The following BICDL1 variants were observed in gnomAD, a reference collection of about 807,000 sequenced individuals.
The protein encoded by BICDL1 is BICD family like cargo adaptor 1.
Under a neutral mutation model 76.8 loss-of-function variants are expected in BICDL1, and 20 were observed. That is an observed-to-expected ratio of 0.26 (90% CI 0.18 to 0.38). The LOEUF is 0.38. Among genes scored for constraint, BICDL1 ranks in the 10% least tolerant of loss-of-function variants. BICDL1 has a pLI of 1.00. For synonymous variants in BICDL1, 383 were observed against 337.1 expected (o/e 1.14, Z -1.49); for missense variants, 700 against 798.6 (o/e 0.88, Z 1.49).
rs1236275262 is a variant in BICDL1, at chr12:119,990,046, C to G, written c.178C>G (p.Leu60Val). ...GCTAGAACTGGCGTTAGAGGAGGAG[C>G]TGGCGCTGCTGGCGGCCGGGGAGCG... ...GELELALEEE[L>V]ALLAAGERPS... The change falls in exon 1 of 10, where the codon CTG (leucine) becomes GTG (valine). Residue 60 changes from leucine to valine, a missense_variant. By Grantham distance (32) the Leu-to-Val change is conservative (BLOSUM62 1). Coordinates refer to ENST00000548673, the MANE Select transcript of BICDL1 (RefSeq NM_001367886.1). 2.0e-6 allele frequency: 3 copies of G among 1,531,626 alleles called. No homozygotes were observed. Among genetic ancestry groups the G allele is most frequent in the East Asian group, 2.5e-5 (1 of 40,662 alleles). 94.9% of individuals were successfully genotyped at this position (1,531,626 alleles called of 1,614,324 possible). A position where few individuals can be genotyped will look rare whatever the true frequency, so the allele number is the denominator to read the frequency against.
intron 2 of BICDL1, among the ~76,000 whole-genome samples, chr12:120,014,753 C>T: frequency 6.6e-6 from 1 of 150,904 alleles, no homozygotes; most frequent in Non-Finnish European, 1.5e-5. Flanking sequence ...AATCTCAACA[C>T]TTGGGAGGCC....
intron 1 of BICDL1, among the ~76,000 whole-genome samples, chr12:119,997,324 T>C (rs892722293): frequency 1.3e-5 from 2 of 152,224 alleles, no homozygotes. Context: ...TATGTACTTT[T>C]CCTGCATACC....
At chr12:120,055,072 G>A (rs994129400) in intron 2 of BICDL1, among the ~76,000 whole-genome samples, 10 of 152,016 alleles carry the variant, frequency 6.6e-5, no homozygotes, top group African/African-American at 1.5e-4. Context: ...AATAAATGTC[G>A]TCATCCTCAT....
intron 8 of BICDL1, among the ~76,000 whole-genome samples, chr12:120,084,725 A>G (rs991415176): frequency 6.6e-6 from 1 of 151,950 alleles, no homozygotes; most frequent in African/African-American, 2.4e-5. Flanking sequence ...GCCCGTCTCT[A>G]CTAAAAATAC....
chr12:120,041,689 C>G (rs1762664354), intron 2 of BICDL1, among the ~76,000 whole-genome samples: 1 of 151,904 alleles, frequency 6.6e-6, no homozygotes. Context: ...GAGAAGAGAC[C>G]CGAGTGGAGT....
chr12:120,086,627 A>T (rs920623748), intron 8 of BICDL1, among the ~76,000 whole-genome samples: 2 of 152,216 alleles, frequency 1.3e-5, no homozygotes, highest in African/African-American at 4.8e-5. Flanking sequence ...TATACAATAA[A>T]TGAGTTTCAG....
In BICDL1 at chr12:120,090,865, C is replaced by T. The variant is rs1049752677; in HGVS notation, c.1704+794C>T. 7.0e-5 allele frequency: 90 copies of T among 1,286,644 alleles called. No individual in the cohort carries two copies. The African/African-American group carries it at 9.0e-4, about 13-fold the overall frequency. 79.7% of individuals were successfully genotyped at this position (1,286,644 alleles called of 1,614,324 possible). A position where few individuals can be genotyped will look rare whatever the true frequency, so the allele number is the denominator to read the frequency against. On this transcript the variant is annotated intron_variant, in intron 9 of 9. Transcript: ENST00000548673. ...GGCTCCTGCATGGCAGCCAGCTGGC[C>T]GCGCCCTGGCTGACCGCTGCTCTCT...
intron 1 of BICDL1, among the ~76,000 whole-genome samples, chr12:119,995,145 G>A (rs1040896494): frequency 6.6e-6 from 1 of 152,108 alleles, no homozygotes; most frequent in African/African-American, 2.4e-5. Flanking sequence ...CCTGAGAAAC[G>A]AAGGAGAGCA....
chr12:120,011,473 T>C (rs1444201047), intron 2 of BICDL1, among the ~76,000 whole-genome samples: 2 of 152,202 alleles, frequency 1.3e-5, no homozygotes, highest in Non-Finnish European at 2.9e-5. Flanking sequence ...AAGGCAGATA[T>C]AGTTGTAACA....
rs78494592 is a variant in BICDL1 at position 120,079,656 on chromosome 12, T to C, written c.1453-1231T>C. ...ATTGAAAGCTCTACCAGGCAGGGTT[T>C]CTGGTTGCAAACAGCAAAACATGTA... On this transcript the variant is annotated intron_variant, in intron 7 of 9. Coordinates refer to ENST00000548673, the MANE Select transcript of BICDL1 (RefSeq NM_001367886.1). This position sits in a 1 kb window ranked among gnomAD's most constrained non-coding sequence, Gnocchi z 4.3. Among the ~76,000 whole-genome samples, 642 of 152,356 alleles carry C rather than the reference T, an allele frequency of 4.2e-3. 3 individuals carry two copies. The highest frequency in any genetic ancestry group is 0.015 in the African/African-American group (610 of 41,570).
In BICDL1 at chr12:120,003,050, G is replaced by A. The variant is rs563068578; in HGVS notation, c.645+4314G>A. On this transcript the variant is annotated intron_variant, in intron 2 of 9. Transcript: ENST00000548673. ...CGTGAGCCTGTAATCTCCAGCTACC[G>A]GGGAGTCTGATGCAGGAGAATCGCT... Among the ~76,000 whole-genome samples, 13 of 152,014 alleles carry A rather than the reference G, an allele frequency of 8.6e-5. No homozygotes were observed. In the South Asian group the frequency reaches 1.7e-3, roughly 19 times the overall value.
Position 120,074,440 on chromosome 12 carries a change from C to A in BICDL1, c.1309-3C>A. 1 of 1,195,940 alleles carries A rather than the reference C, an allele frequency of 8.4e-7. No individual in the cohort carries two copies. Among genetic ancestry groups the A allele is most frequent in the South Asian group, 1.5e-5 (1 of 65,990 alleles). The allele number at this position is 1,195,940 out of a possible 1,614,324, so 74.1% of individuals were successfully genotyped here. On this transcript the variant is annotated splice_region_variant and splice_polypyrimidine_tract_variant and intron_variant, in intron 6 of 9. Coordinates refer to ENST00000548673, the MANE Select transcript of BICDL1 (RefSeq NM_001367886.1). The stretch of plus-strand genomic sequence containing the variant: ...TGTCTGGCTGTCTTTCTTTTACTGT[C>A]AGGGCTCCCGGAGACTTGATGATGA...
At chr12:120,039,521 C>T (rs1162735954) in intron 2 of BICDL1, among the ~76,000 whole-genome samples, 1 of 149,366 alleles carries the variant, frequency 6.7e-6, no homozygotes, top group Non-Finnish European at 1.5e-5. Flanking sequence ...GCCGGTAATC[C>T]CAGCTACTCA....
chr12:120,002,982 C>A (rs1440258816), intron 2 of BICDL1, among the ~76,000 whole-genome samples: 5 of 152,044 alleles, frequency 3.3e-5, no homozygotes, highest in Non-Finnish European at 7.4e-5. Flanking sequence ...CATGGTGAAA[C>A]CCCATCTCTA....
intron 2 of BICDL1, among the ~76,000 whole-genome samples, chr12:120,040,621 G>T (rs1204982523): frequency 6.6e-6 from 1 of 151,978 alleles, no homozygotes; most frequent in African/African-American, 2.4e-5. Flanking sequence ...TTACCATGTT[G>T]CCCAGGTTGG....
At chr12:120,019,328 T>C (rs563469139) in intron 2 of BICDL1, 2 of 152,332 alleles carry the variant, frequency 1.3e-5, no homozygotes, top group African/African-American at 2.4e-5. Flanking sequence ...CATTTATTTA[T>C]ATTTCTTTTT....
chr12:120,003,345 G>A (rs978366645), intron 2 of BICDL1, among the ~76,000 whole-genome samples: 1 of 152,130 alleles, frequency 6.6e-6, no homozygotes, highest in Non-Finnish European at 1.5e-5. Flanking sequence ...GTTGTAAACA[G>A]GTATCTAGCA....
chr12:120,072,858 G>A (rs535390264), intron 6 of BICDL1, 129 bp downstream of exon 6: 1 of 794,824 alleles, frequency 1.3e-6, no homozygotes, highest in South Asian at 1.7e-5. Flanking sequence ...ATTCTTCTGA[G>A]CCCTTATTGG....
In BICDL1 at chr12:119,998,748, ATTAAGAAT is replaced by A. The variant is rs775368911; in HGVS notation, c.645+19_645+26del. 6.2e-6 allele frequency: 10 copies of A among 1,609,896 alleles called. No homozygotes were observed. The African/African-American group carries it at 1.3e-4, about 22-fold the overall frequency. ...ATCAGCTCAGCAGGGTGAGTCACAA[ATTAAGAAT>A]TTAAGATGTAAAATACTAAAAGTTG... On this transcript the variant is annotated intron_variant, in intron 2 of 9. Transcript: ENST00000548673.
Sources: gnomAD v4.1 joint callset for allele counts (sites outside exome capture counted in the v4.1 genomes callset) on GRCh38, gnomAD v4.1.1 for gene constraint, Gnocchi (gnomAD v3.1) non-coding constraint, MANE v1.5 for transcripts, NCBI Gene and HGNC (gene_info 2026-07-23, HGNC 2026-07-21) for gene names.